Variants in NDUFA10 observed in about 807,000 individuals in gnomAD.
The protein encoded by NDUFA10 is NADH dehydrogenase [ubiquinone] 1 alpha subcomplex subunit 10, mitochondrial.
In NDUFA10, 40 loss-of-function variants were observed where a neutral mutation model predicts 47.8. That is an observed-to-expected ratio of 0.84 (90% CI 0.65 to 1.09). NDUFA10 has a LOEUF of 1.09. Ranked by LOEUF, NDUFA10 falls within the 50% of genes least tolerant of loss-of-function variation. The probability of loss-of-function intolerance (pLI) is 0.00; values close to 1 mark genes in which losing one functional copy is unlikely to be tolerated. For missense variants in NDUFA10, 413 were observed against 451.1 expected (o/e 0.92, Z 0.76); for synonymous variants, 183 against 172.2 (o/e 1.06, Z -0.49).
chr2:239,990,654 C>A (rs1469297964), intron 8 of NDUFA10, among the ~76,000 whole-genome samples: 2 of 152,176 alleles, frequency 1.3e-5, no homozygotes, highest in Non-Finnish European at 2.9e-5. Flanking sequence ...CAGCGTCTTA[C>A]TGCTCTGTTC....
In NDUFA10 at chr2:239,969,327, T is replaced by C. The variant is rs1295708770; in HGVS notation, c.1000-8141A>G. On this transcript the variant is annotated intron_variant, in intron 9 of 9. Transcript: ENST00000252711. Reference sequence around the variant, plus strand: ...GAATTTCTAGAGCTAAAAAACAGGATTCCTAAAACACAATTCTATTGGATA... The same window carrying C: ...GAATTTCTAGAGCTAAAAAACAGGACTCCTAAAACACAATTCTATTGGATA... The C allele has an allele frequency of 1.8e-5, 3 of 166,702 alleles. No homozygotes were observed. The East Asian group carries it at 4.9e-4, about 27-fold the overall frequency. 10.3% of individuals were successfully genotyped at this position (166,702 alleles called of 1,614,324 possible).
chr2:240,023,349 AAAAAC>A (rs1697719014), intron 1 of NDUFA10, among the ~76,000 whole-genome samples: 1 of 152,238 alleles, frequency 6.6e-6, no homozygotes, highest in Admixed American at 6.5e-5. Context: ...CTTGCTACAA[AAAAAC>A]AAAAGACTAT....
chr2:239,982,304 AT>A (rs1292270259), intron 9 of NDUFA10: 59 of 1,560,746 alleles, frequency 3.8e-5, no homozygotes, highest in Non-Finnish European at 5.1e-5. Context: ...GTCTTTTGCA[AT>A]TTTCATAAAG....
intron 9 of NDUFA10, among the ~76,000 whole-genome samples, chr2:239,966,202 C>T (rs983814281): frequency 2.6e-5 from 4 of 152,168 alleles, no homozygotes; most frequent in African/African-American, 9.7e-5. Flanking sequence ...GCACCCTGCC[C>T]AGTCACCGAC....
At chr2:239,948,210 C>T (rs115565811) in intron 4 of NDUFA10, among the ~76,000 whole-genome samples, 4 of 152,394 alleles carry the variant, frequency 2.6e-5, no homozygotes, top group African/African-American at 7.2e-5. Flanking sequence ...CCTGCCCACA[C>T]GTCCGTCCCT....
At chr2:239,949,297 T>C (rs1694511476) in intron 4 of NDUFA10, among the ~76,000 whole-genome samples, 1 of 152,204 alleles carries the variant, frequency 6.6e-6, no homozygotes, top group Non-Finnish European at 1.5e-5. Flanking sequence ...AGATCAGCTT[T>C]AGACATCCAA....
At chr2:239,905,355 C>T (rs950614427) in intron 4 of NDUFA10, among the ~76,000 whole-genome samples, 3 of 152,190 alleles carry the variant, frequency 2.0e-5, no homozygotes, top group Non-Finnish European at 1.5e-5. Context: ...GCTCAAAGGG[C>T]GTCTAGGTTC....
At position 239,961,100 on chromosome 2, in the gene NDUFA10, G is replaced by A. The variant is rs776821231; in HGVS notation, c.*18C>T. On this transcript the variant is annotated 3_prime_UTR_variant, in exon 10 of 10. Coordinates refer to ENST00000252711, the MANE Select transcript of NDUFA10 (RefSeq NM_004544.4). The stretch of plus-strand genomic sequence containing the variant: ...CTTGGCCATCACTGTGATGCAGCTG[G>A]AGCAGAAGGCGGCCCGTTCACTTCA... 1.9e-6 allele frequency: 3 copies of A among 1,614,098 alleles called. No individual in the cohort carries two copies. In the Admixed American group the frequency reaches 5.0e-5, roughly 27 times the overall value.
rs1436217397 is a variant in NDUFA10, at chr2:239,951,583, C to G, written c.294+38491G>C. On this transcript the variant is annotated intron_variant, in intron 4 of 5. Transcript: ENST00000419408. ...AGCACCCAGTACAGGATGTGCCGGA[C>G]ACTGAGAAGCAGCTATGATGGAGGG... is the stretch of plus-strand genomic sequence containing the variant. Among the ~76,000 whole-genome samples, 7 of 152,296 alleles carry G rather than the reference C, an allele frequency of 4.6e-5. No individual in the cohort carries two copies. The East Asian group carries it at 1.2e-3, about 25-fold the overall frequency.
chr2:239,893,214 A>G (rs1280992156), intron 5 of NDUFA10, among the ~76,000 whole-genome samples: 1 of 152,214 alleles, frequency 6.6e-6, no homozygotes, highest in Non-Finnish European at 1.5e-5. Flanking sequence ...CAGCTGCAGC[A>G]CAGGGTACAC....
Position 239,928,861 on chromosome 2 carries a change from G to T in NDUFA10, c.295-33547C>A, listed in dbSNP as rs922568941. Among the ~76,000 whole-genome samples the T allele has an allele frequency of 2.0e-5, 3 of 152,154 alleles. No homozygotes were observed. The highest frequency in any genetic ancestry group is 7.2e-5 in the African/African-American group (3 of 41,428). On this transcript the variant is annotated intron_variant, in intron 4 of 5. Transcript: ENST00000419408. The surrounding 1 kb of genome is among the most constrained non-coding windows in gnomAD (Gnocchi z 4.3). ...CTCCTTCACCCCACTCCTCCCATCA[G>T]CGGATCCTCCGCGAATCCTCCCAGC...
At position 239,928,370 on chromosome 2, in the gene NDUFA10, C is replaced by T. The variant is rs1382853092; in HGVS notation, c.295-33056G>A. ...AGAAGGCAAAAGACAAGATGAAATACAGAGCTGGAAAGAGAACACAAAGAG... is the reference window on the plus strand; with the variant it reads ...AGAAGGCAAAAGACAAGATGAAATATAGAGCTGGAAAGAGAACACAAAGAG... On this transcript the variant is annotated intron_variant, in intron 4 of 5. Transcript: ENST00000419408. The surrounding 1 kb of genome is among the most constrained non-coding windows in gnomAD (Gnocchi z 4.3). Among the ~76,000 whole-genome samples, 3 of 152,130 alleles carry T rather than the reference C, an allele frequency of 2.0e-5. No homozygotes were observed. Among genetic ancestry groups the T allele is most frequent in the African/African-American group, 7.2e-5 (3 of 41,444 alleles).
At position 240,022,306 on chromosome 2, in the gene NDUFA10, C is replaced by A. The variant is rs558134843; in HGVS notation, c.110G>T (p.Arg37Leu). ...GIHSSVQCKL[R>L]YGMWHFLLGD... is the part of the protein sequence containing the mutation. ...AAGTAGGAAATGCCACATTCCATAG[C>A]GCAGTTTGCACTGCACACTGCTATG... is the stretch of plus-strand genomic sequence containing the variant. The change falls in exon 2 of 10, where the codon CGC becomes CTC. Residue 37 changes from arginine (R) to leucine (L), a missense_variant. Physicochemically the swap from Arg to Leu is moderately radical, Grantham distance 102. Coordinates refer to ENST00000252711, the MANE Select transcript of NDUFA10 (RefSeq NM_004544.4). 1.9e-5 allele frequency: 30 copies of A among 1,614,014 alleles called. No individual in the cohort carries two copies. Among genetic ancestry groups the A allele is most frequent in the South Asian group, 1.4e-4 (13 of 91,082 alleles).
At chr2:239,983,283 A>G (rs2106431725) in intron 9 of NDUFA10, among the ~76,000 whole-genome samples, 1 of 152,334 alleles carries the variant, frequency 6.6e-6, no homozygotes, top group African/African-American at 2.4e-5. Flanking sequence ...ACAGCTGCAC[A>G]TGAAACCCAG....
chr2:239,914,371 TACAC>T (rs1451788459), intron 4 of NDUFA10, among the ~76,000 whole-genome samples: 1 of 122,840 alleles, frequency 8.1e-6, no homozygotes, highest in Non-Finnish European at 1.7e-5. Context: ...GAGATACACA[TACAC>T]ACACAAAACA....
intron 9 of NDUFA10, among the ~76,000 whole-genome samples, chr2:239,971,731 A>G (rs1695313303): frequency 1.3e-5 from 2 of 152,214 alleles, no homozygotes; most frequent in Admixed American, 1.3e-4. Flanking sequence ...GATCAAGTCC[A>G]GGATCTTTTT....
chr2:239,965,454 C>T (rs1203915952), intron 9 of NDUFA10, among the ~76,000 whole-genome samples: 1 of 152,172 alleles, frequency 6.6e-6, no homozygotes, highest in Non-Finnish European at 1.5e-5. Context: ...CATGAGAAAA[C>T]GCGCATGATA....
At position 240,011,561 on chromosome 2, in the gene NDUFA10, A is replaced by C. The variant is rs370240555; in HGVS notation, c.749+56T>G. 4.9e-6 allele frequency: 7 copies of C among 1,426,564 alleles called. No homozygotes were observed. In the African/African-American group the frequency reaches 9.9e-5, roughly 20 times the overall value. The allele number at this position is 1,426,564 out of a possible 1,614,324, so 88.4% of individuals were successfully genotyped here. A position where few individuals can be genotyped will look rare whatever the true frequency, so the allele number is the denominator to read the frequency against. ...AAACTCCCTGGGCTGTTGGGGCCTA[A>C]GAAACGAGTGGCGAAGAAGTTTTAG... On this transcript the variant is annotated intron_variant, in intron 6 of 9. Coordinates refer to ENST00000252711, the MANE Select transcript of NDUFA10 (RefSeq NM_004544.4).
rs1287562324 is a variant in NDUFA10 at position 239,960,760 on chromosome 2, T to C, written c.*358A>G. 2 of 1,208,702 alleles carry C rather than the reference T, an allele frequency of 1.7e-6. No homozygotes were observed. The highest frequency in any genetic ancestry group is 2.1e-6 in the Non-Finnish European group (2 of 956,200). The allele number at this position is 1,208,702 out of a possible 1,614,324, so 74.9% of individuals were successfully genotyped here. A position where few individuals can be genotyped will look rare whatever the true frequency, so the allele number is the denominator to read the frequency against. On this transcript the variant is annotated 3_prime_UTR_variant, in exon 10 of 10. Coordinates refer to ENST00000252711, the MANE Select transcript of NDUFA10 (RefSeq NM_004544.4). ...GAAATTCCCATGGAAACACTTTTAT[T>C]TCTGGAAGTCAGAAGAAAAACAATG...
Sources: gnomAD v4.1 joint callset for allele counts (sites outside exome capture counted in the v4.1 genomes callset) on GRCh38, gnomAD v4.1.1 for gene constraint, Gnocchi (gnomAD v3.1) non-coding constraint, MANE v1.5 for transcripts, NCBI Gene and HGNC (gene_info 2026-07-23, HGNC 2026-07-21) for gene names.